Variants in ARSG observed in about 807,000 individuals in gnomAD.
The protein encoded by ARSG is arylsulfatase G, also known as ASG.
In ARSG, 37 loss-of-function variants were observed where a neutral mutation model predicts 50.5. The observed-to-expected ratio is 0.73, with a 90% CI of 0.56 to 0.96. ARSG has a LOEUF of 0.96. Among genes scored for constraint, ARSG ranks in the 50% least tolerant of loss-of-function variants. The pLI is 0.00. For synonymous variants in ARSG, 225 were observed against 254.6 expected, an observed-to-expected ratio of 0.88 and a Z score of 1.11; for missense variants, 629 against 675.3, an observed-to-expected ratio of 0.93 and a Z score of 0.76.
rs55668215 is a variant in ARSG, at chr17:68,372,877, ATTTTT to A, written c.982+2381_982+2385del. ...TTCTGGTGCAGAGAAGGAAATGCTG[ATTTTT>A]TTTTTTTTTTTTTTTTTTTTTTTTT... On this transcript the variant is annotated intron_variant, in intron 8 of 11. Coordinates refer to ENST00000621439, the MANE Select transcript of ARSG (RefSeq NM_001267727.2). Among the ~76,000 whole-genome samples, 924 of 92,750 alleles carry A rather than the reference ATTTTT, an allele frequency of 1.0e-2. 1 individual carries two copies. The highest frequency in any genetic ancestry group is 0.036 in the African/African-American group (872 of 24,094). 60.8% of individuals were successfully genotyped at this position (92,750 alleles called of 152,430 possible).
At position 68,327,994 on chromosome 17, in the gene ARSG, C is replaced by G. The variant is rs114202759; in HGVS notation, c.219-15610C>G. Among the ~76,000 whole-genome samples the G allele has an allele frequency of 8.3e-3, 1,256 of 152,240 alleles. 16 individuals are homozygous for G. Among genetic ancestry groups the G allele is most frequent in the African/African-American group, 0.029 (1,195 of 41,524 alleles). On this transcript the variant is annotated intron_variant, in intron 2 of 11. Transcript: ENST00000621439. ...GATAATGCCTTGGTCTCTACTGCCT[C>G]AGTGCCACTGCTTGACCAGGAGGGG...
At chr17:68,325,434 T>C (rs1258581703) in intron 2 of ARSG, among the ~76,000 whole-genome samples, 3 of 152,238 alleles carry the variant, frequency 2.0e-5, no homozygotes, top group African/African-American at 7.2e-5. Context: ...ATAATAATAA[T>C]AGAAATAAAG....
upstream of ARSG, among the ~76,000 whole-genome samples, chr17:68,290,037 G>A (rs72850708): frequency 0.12 from 18,430 of 152,186 alleles, 1,514 homozygotes; most frequent in East Asian, 0.34. Context: ...TTCAGCATAA[G>A]CACTTGGCAT....
intron 7 of ARSG, among the ~76,000 whole-genome samples, chr17:68,369,905 G>T (rs542756146): frequency 2.6e-5 from 4 of 152,244 alleles, no homozygotes; most frequent in Non-Finnish European, 5.9e-5. Context: ...CTCACGATGG[G>T]ACTGGGTTGG....
At chr17:68,414,415 G>A (rs535077957) in intron 11 of ARSG, among the ~76,000 whole-genome samples, 3 of 152,248 alleles carry the variant, frequency 2.0e-5, no homozygotes, top group East Asian at 1.9e-4. Flanking sequence ...TTGATATGTT[G>A]TTGGATTCAG....
chr17:68,356,868 A>G (rs1568515413), intron 6 of ARSG, 64 bp downstream of exon 6: 1 of 1,603,722 alleles, frequency 6.2e-7, no homozygotes, highest in Non-Finnish European at 8.5e-7. Context: ...CACACACACC[A>G]TGTCCCTTGG....
upstream of ARSG, among the ~76,000 whole-genome samples, chr17:68,290,533 C>T (rs782257399): frequency 1.1e-4 from 17 of 152,226 alleles, no homozygotes; most frequent in South Asian, 4.1e-4. Flanking sequence ...CCGGGAAATC[C>T]CCGGCTTCCC....
downstream of ARSG, chr17:68,426,326 C>A: frequency 1.5e-6 from 1 of 655,110 alleles, no homozygotes; most frequent in Non-Finnish European, 2.7e-6. Context: ...TAGGACAAGT[C>A]ATAATCCTCA....
intron 2 of ARSG, among the ~76,000 whole-genome samples, chr17:68,324,161 A>G (rs2077408483): frequency 6.6e-6 from 1 of 151,946 alleles, no homozygotes; most frequent in Non-Finnish European, 1.5e-5. Flanking sequence ...CTCCATTTGA[A>G]TTCTCTTAGC....
chr17:68,371,188 C>T (rs976759620), intron 8 of ARSG, among the ~76,000 whole-genome samples: 10 of 151,908 alleles, frequency 6.6e-5, no homozygotes, highest in Non-Finnish European at 1.3e-4. Flanking sequence ...GGCGTGGTGG[C>T]GGGCGCCTGT....
intron 1 of ARSG, among the ~76,000 whole-genome samples, chr17:68,300,128 G>C (rs185822374): frequency 6.6e-6 from 1 of 152,152 alleles, no homozygotes; most frequent in Non-Finnish European, 1.5e-5. Flanking sequence ...TGTTGTTGCA[G>C]AGAGATGGGG....
At chr17:68,296,143 G>C (rs76374293) in intron 1 of ARSG, among the ~76,000 whole-genome samples, 1 of 152,068 alleles carries the variant, frequency 6.6e-6, no homozygotes, top group Non-Finnish European at 1.5e-5. Context: ...GTGAATGCAC[G>C]TCACATTAAA....
At chr17:68,355,119 T>A (rs1236059951) in intron 5 of ARSG, among the ~76,000 whole-genome samples, 1 of 152,184 alleles carries the variant, frequency 6.6e-6, no homozygotes, top group Non-Finnish European at 1.5e-5. Flanking sequence ...AGCTTGAGAT[T>A]TTTCAGAATT....
Position 68,284,527 on chromosome 17 carries a change from G to A in ARSG, c.-551-22416G>A, listed in dbSNP as rs1226176007. On this transcript the variant is annotated intron_variant, in intron 1 of 11. Transcript: ENST00000448504. ...CCTTTTCCTAGCCATAAGTTGTTGGGTCAAAGTTACTAAGGCAAAGGTTTT... is the reference window on the plus strand; with the variant it reads ...CCTTTTCCTAGCCATAAGTTGTTGGATCAAAGTTACTAAGGCAAAGGTTTT... Among the ~76,000 whole-genome samples, 4 of 152,256 alleles carry A rather than the reference G, an allele frequency of 2.6e-5. No homozygotes were observed. The East Asian group carries it at 7.7e-4, about 29-fold the overall frequency.
At chr17:68,400,711 A>T (rs12453020) in intron 10 of ARSG, 33,146 of 152,182 alleles carry the variant, frequency 0.22, 3,806 homozygotes, top group Middle Eastern at 0.28. Flanking sequence ...CGTGGTCATC[A>T]TGAAATTTTA....
At chr17:68,436,285 C>T in the ARSG span, 1 of 1,115,330 alleles carries the variant, frequency 9.0e-7, no homozygotes, top group South Asian at 1.3e-5. Flanking sequence ...CTCCCACCGC[C>T]TCCAGCCCCC....
chr17:68,395,865 G>T (rs1305849029), intron 10 of ARSG, among the ~76,000 whole-genome samples: 1 of 152,102 alleles, frequency 6.6e-6, no homozygotes, highest in Non-Finnish European at 1.5e-5. Flanking sequence ...CAGCATTTCA[G>T]TCCATGCAAA....
At chr17:68,383,034 C>T (rs1036886914) in intron 8 of ARSG, among the ~76,000 whole-genome samples, 4 of 152,202 alleles carry the variant, frequency 2.6e-5, no homozygotes, top group Non-Finnish European at 4.4e-5. Context: ...TTGTTGACTA[C>T]ACCTGTTTTA....
At chr17:68,350,672 C>T (rs1043946812) in intron 4 of ARSG, among the ~76,000 whole-genome samples, 2 of 152,124 alleles carry the variant, frequency 1.3e-5, no homozygotes, top group Non-Finnish European at 2.9e-5. Flanking sequence ...GTAGTCCCAG[C>T]TACTCAGGAG....
Sources: allele counts gnomAD v4.1 joint callset (sites outside exome capture counted in the v4.1 genomes callset), GRCh38; gene constraint gnomAD v4.1.1; transcripts MANE v1.5; gene names NCBI Gene and HGNC (gene_info 2026-07-23, HGNC 2026-07-21).